Variants in KLHL18 observed in about 807,000 individuals in gnomAD.
KLHL18 encodes kelch-like protein 18.
Under a neutral mutation model 58.5 loss-of-function variants are expected in KLHL18, and 38 were observed. The observed-to-expected ratio is 0.65, with a 90% confidence interval of 0.50 to 0.85. KLHL18 has a LOEUF of 0.85. KLHL18 is among the 40% of genes least tolerant of loss of function. The pLI, the probability that KLHL18 is intolerant of heterozygous loss-of-function variation, is 0.00. For missense variants in KLHL18, 624 were observed against 778.4 expected (o/e 0.80, Z 2.36); for synonymous variants, 303 against 301.9 (o/e 1.00, Z -0.04).
chr3:47,341,674 G>C (rs141595597), intron 8 of KLHL18, among the ~76,000 whole-genome samples: 1 of 152,170 alleles, frequency 6.6e-6, no homozygotes, highest in South Asian at 2.1e-4. Flanking sequence ...TCATGGGCTA[G>C]AGCACAGCGT....
intron 3 of KLHL18, among the ~76,000 whole-genome samples, chr3:47,327,495 A>G (rs903315993): frequency 3.9e-5 from 6 of 152,234 alleles, no homozygotes; most frequent in Non-Finnish European, 4.4e-5. Flanking sequence ...GTAGAGGCCC[A>G]GGGAAGGTTT....
At chr3:47,302,646 G>A (rs1367929286) in intron 1 of KLHL18, among the ~76,000 whole-genome samples, 1 of 152,122 alleles carries the variant, frequency 6.6e-6, no homozygotes, top group Admixed American at 6.5e-5. Context: ...GGTGGCAGAG[G>A]CGGAAGAAAA....
intron 1 of KLHL18, among the ~76,000 whole-genome samples, chr3:47,295,206 C>G (rs1054860646): frequency 6.6e-6 from 1 of 152,182 alleles, no homozygotes; most frequent in African/African-American, 2.4e-5. Context: ...TAGAAATCCA[C>G]CAGTCACTGC....
At chr3:47,319,360 A>G (rs1430836744) in intron 1 of KLHL18, among the ~76,000 whole-genome samples, 3 of 152,246 alleles carry the variant, frequency 2.0e-5, no homozygotes, top group African/African-American at 7.2e-5. Context: ...CTACCATATA[A>G]GTAAAAACGA....
rs374805924 is a variant in KLHL18 at position 47,343,528 on chromosome 3, G to A, written c.1339-27G>A. 7.8e-5 allele frequency: 125 copies of A among 1,612,078 alleles called. 1 individual carries two copies. In the African/African-American group the frequency reaches 1.5e-3, roughly 19 times the overall value. On this transcript the variant is annotated intron_variant, in intron 9 of 9. Transcript: ENST00000232766. ...ACTGAGCTTTGCCTCTGACTGTCCT[G>A]TACCTGTGCCTCTCTCCCCACTGCA...
chr3:47,334,743 A>T lies in KLHL18; in HGVS notation c.822A>T (p.Pro274=). Residue 274 remains proline (P), a synonymous_variant, in exon 6 of 10, where the codon CCA becomes CCT. Transcript: ENST00000232766. The surrounding 1 kb of genome is among the most constrained non-coding windows in gnomAD (Gnocchi z 4.7). The part of the protein sequence containing the change: ...HLMPERRPHL[P]AFRTRPRCCT... ...TGCCAGAGCGCCGGCCCCACCTGCC[A>T]GCTTTCAGAACCCGGCCACGCTGCT... is the stretch of plus-strand genomic sequence containing the variant. 1 of 1,614,190 alleles carries T rather than the reference A, an allele frequency of 6.2e-7. No homozygotes were observed. The highest frequency in any genetic ancestry group is 8.5e-7 in the Non-Finnish European group (1 of 1,180,018).
intron 3 of KLHL18, among the ~76,000 whole-genome samples, chr3:47,329,108 G>C (rs1703791016): frequency 6.7e-6 from 1 of 149,390 alleles, no homozygotes; most frequent in Non-Finnish European, 1.5e-5. Flanking sequence ...CAGCCTGGGG[G>C]ACAAAGTGAG....
chr3:47,299,927 G>A (rs1160348473), intron 1 of KLHL18, among the ~76,000 whole-genome samples: 2 of 148,236 alleles, frequency 1.3e-5, no homozygotes, highest in East Asian at 4.0e-4. Context: ...ACTCAAGACT[G>A]TAACATCAAA....
At chr3:47,283,133 G>T in intron 1 of KLHL18, 39 bp downstream of exon 1, 1 of 1,539,110 alleles carries the variant, frequency 6.5e-7, no homozygotes. Flanking sequence ...AGGGAAAAGG[G>T]GTCGAGCGGG....
At position 47,344,656 on chromosome 3, in the gene KLHL18, G is replaced by T. The variant is rs1339317398; in HGVS notation, c.*715G>T. ...ACAAAGAAACACTTGAAAGAAACTGGAAAGAAAAATAATTTTTTTATGTGA... is the reference window on the plus strand; with the variant it reads ...ACAAAGAAACACTTGAAAGAAACTGTAAAGAAAAATAATTTTTTTATGTGA... On this transcript the variant is annotated 3_prime_UTR_variant, in exon 10 of 10. Transcript: ENST00000232766. 6.6e-6 allele frequency: 1 copy of T among 152,584 alleles called. No individual in the cohort carries two copies. The highest frequency in any genetic ancestry group is 2.4e-5 in the African/African-American group (1 of 41,426). 9.5% of individuals were successfully genotyped at this position (152,584 alleles called of 1,614,324 possible). A position where few individuals can be genotyped will look rare whatever the true frequency, so the allele number is the denominator to read the frequency against.
At chr3:47,316,540 C>CATATATACATATATGTGTAT in intron 1 of KLHL18, among the ~76,000 whole-genome samples, 2 of 3,064 alleles carry the variant, frequency 6.5e-4, no homozygotes, top group Admixed American at 0.012. Flanking sequence ...TATATATATA[C>CATATATACATATATGTGTAT]ATATATACAT....
intron 1 of KLHL18, among the ~76,000 whole-genome samples, chr3:47,313,458 A>G (rs1030045818): frequency 1.3e-5 from 2 of 151,278 alleles, no homozygotes; most frequent in African/African-American, 4.9e-5. Flanking sequence ...TTCTGGACCC[A>G]GGCAGTCCTC....
intron 2 of KLHL18, among the ~76,000 whole-genome samples, chr3:47,321,361 T>TTTG (rs1559497774): frequency 3.0e-4 from 45 of 151,304 alleles, no homozygotes; most frequent in Admixed American, 1.6e-3. Context: ...GTTTTTTTTT[T>TTTG]TTTGAGATGG....
intron 1 of KLHL18, among the ~76,000 whole-genome samples, chr3:47,316,639 GTA>G (rs1286842964): frequency 1.4e-5 from 2 of 139,180 alleles, no homozygotes; most frequent in Non-Finnish European, 3.1e-5. Flanking sequence ...ACGTATATAT[GTA>G]TATGTGTGTG....
At chr3:47,285,813 G>A (rs1247770589) in intron 1 of KLHL18, among the ~76,000 whole-genome samples, 3 of 152,144 alleles carry the variant, frequency 2.0e-5, no homozygotes, top group Admixed American at 6.5e-5. Flanking sequence ...TTGGGAGGCC[G>A]AGGCAGGTGG....
At chr3:47,335,365 CCT>C (rs1703961291) in intron 6 of KLHL18, among the ~76,000 whole-genome samples, 1 of 152,200 alleles carries the variant, frequency 6.6e-6, no homozygotes. Context: ...AGCCCCACCC[CCT>C]GTGAAACACA....
chr3:47,342,884 AT>A, intron 9 of KLHL18, 54 bp downstream of exon 9: 2 of 1,316,894 alleles, frequency 1.5e-6, no homozygotes, highest in Non-Finnish European at 2.2e-6. Flanking sequence ...TTTGAGATTT[AT>A]TTTAGAAGAT....
intron 3 of KLHL18, among the ~76,000 whole-genome samples, chr3:47,322,948 A>G (rs1164825936): frequency 6.6e-6 from 1 of 152,140 alleles, no homozygotes. Flanking sequence ...CTTGACATGT[A>G]CATCTTCTGT....
Position 47,345,496 on chromosome 3 carries a change from T to C in KLHL18, c.*1555T>C, listed in dbSNP as rs1246362060. 1.3e-5 allele frequency: 2 copies of C among 152,636 alleles called. No individual in the cohort carries two copies. Among genetic ancestry groups the C allele is most frequent in the Non-Finnish European group, 2.9e-5 (2 of 68,034 alleles). The allele number at this position is 152,636 out of a possible 1,614,324, so 9.5% of individuals were successfully genotyped here. ...CTTTACCTTTTGGAAAGATTTCATA[T>C]TGCTTCCTCCTCCCTGGATAGGACC... On this transcript the variant is annotated 3_prime_UTR_variant, in exon 10 of 10. Coordinates refer to ENST00000232766, the MANE Select transcript of KLHL18 (RefSeq NM_025010.5).
Sources: gnomAD v4.1 joint callset for allele counts (sites outside exome capture counted in the v4.1 genomes callset) on GRCh38, gnomAD v4.1.1 for gene constraint, Gnocchi (gnomAD v3.1) non-coding constraint, MANE v1.5 for transcripts, NCBI Gene and HGNC (gene_info 2026-07-23, HGNC 2026-07-21) for gene names.